Variants in KLF17 observed in about 807,000 individuals in gnomAD.
KLF17 encodes the protein Krueppel-like factor 17.
Under a neutral mutation model 34.2 loss-of-function variants are expected in KLF17, and 31 were observed. That is an observed-to-expected ratio of 0.91 (90% CI 0.68 to 1.22). The LOEUF (loss-of-function observed/expected upper bound fraction) is 1.22, where lower values mean the gene tolerates loss of function less well. Among genes scored for constraint, KLF17 ranks in the 50% most tolerant of loss-of-function variants. The pLI, the probability that KLF17 is intolerant of heterozygous loss-of-function variation, is 0.00. For synonymous variants in KLF17, 179 were observed against 186.7 expected, an observed-to-expected ratio of 0.96 and a Z score of 0.34; for missense variants, 478 against 505.2, an observed-to-expected ratio of 0.95 and a Z score of 0.52.
chr1:44,076,806 C>T, the KLF17 span: 3 of 151,100 alleles, frequency 2.0e-5, no homozygotes, highest in Non-Finnish European at 4.4e-5. Flanking sequence ...CTCACTGAAA[C>T]CTCGAACTCC....
chr1:44,084,524 T>C, the KLF17 span, among the ~76,000 whole-genome samples: 2 of 151,454 alleles, frequency 1.3e-5, no homozygotes, highest in African/African-American at 4.9e-5. Flanking sequence ...TCAAAAAATT[T>C]TGAAAGTTAG....
the KLF17 span, among the ~76,000 whole-genome samples, chr1:44,087,765 TATATACACACAC>T: frequency 9.0e-4 from 50 of 55,512 alleles, no homozygotes; most frequent in Admixed American, 4.0e-3. Flanking sequence ...TATATATATA[TATATACACACAC>T]ACACACACAC....
chr1:44,061,400 G>A, the KLF17 span, among the ~76,000 whole-genome samples: 1 of 152,172 alleles, frequency 6.6e-6, no homozygotes, highest in Non-Finnish European at 1.5e-5. Flanking sequence ...AACTCTGGAG[G>A]TGAGACTCAG....
intron 1 of KLF17, among the ~76,000 whole-genome samples, chr1:44,122,687 T>C (rs1351617647): frequency 6.6e-6 from 1 of 152,010 alleles, no homozygotes; most frequent in African/African-American, 2.4e-5. Flanking sequence ...AACTTCTGCC[T>C]CCCAAATTCA....
At chr1:44,097,886 T>C in the KLF17 span, among the ~76,000 whole-genome samples, 3 of 152,206 alleles carry the variant, frequency 2.0e-5, no homozygotes, top group African/African-American at 7.2e-5. Flanking sequence ...ATGGTTTTTG[T>C]CCTTCATTCT....
the KLF17 span, among the ~76,000 whole-genome samples, chr1:44,086,388 T>C: frequency 6.6e-6 from 1 of 152,152 alleles, no homozygotes; most frequent in Non-Finnish European, 1.5e-5. Context: ...ATCACTTGAA[T>C]TCGGGAAGTA....
chr1:44,093,668 T>G, the KLF17 span, among the ~76,000 whole-genome samples: 1 of 152,192 alleles, frequency 6.6e-6, no homozygotes, highest in Non-Finnish European at 1.5e-5. Flanking sequence ...GTGCTGGGAT[T>G]ACAGGTGTGA....
chr1:44,100,865 T>C, the KLF17 span, among the ~76,000 whole-genome samples: 1 of 152,210 alleles, frequency 6.6e-6, no homozygotes, highest in Non-Finnish European at 1.5e-5. Context: ...GTATCCACCA[T>C]TGTAGTATAC....
At chr1:44,088,967 G>C in the KLF17 span, among the ~76,000 whole-genome samples, 1 of 152,132 alleles carries the variant, frequency 6.6e-6, no homozygotes. Context: ...ACCACAGGAG[G>C]AGGGTATGCT....
the KLF17 span, among the ~76,000 whole-genome samples, chr1:44,079,540 C>T: frequency 3.3e-5 from 5 of 151,958 alleles, no homozygotes; most frequent in Admixed American, 1.3e-4. Flanking sequence ...TGGGCTCAAG[C>T]GATCCTCCCA....
At chr1:44,050,528 G>A in the KLF17 span, among the ~76,000 whole-genome samples, 1 of 152,180 alleles carries the variant, frequency 6.6e-6, no homozygotes, top group Non-Finnish European at 1.5e-5. Context: ...CTGCCGAGCT[G>A]CCCTGAGCTG....
chr1:44,080,477 A>G, the KLF17 span, among the ~76,000 whole-genome samples: 1 of 151,454 alleles, frequency 6.6e-6, no homozygotes, highest in Non-Finnish European at 1.5e-5. Flanking sequence ...TGACCTCGTG[A>G]TATGCCCGCC....
At chr1:44,104,024 G>C in the KLF17 span, 1 of 863,644 alleles carries the variant, frequency 1.2e-6, no homozygotes, top group East Asian at 2.4e-5. Flanking sequence ...TGGAGCGGCT[G>C]TTGTCCATGG....
At chr1:44,079,320 T>TTTTTTTTTTTTA in the KLF17 span, among the ~76,000 whole-genome samples, 1 of 151,662 alleles carries the variant, frequency 6.6e-6, no homozygotes, top group African/African-American at 2.4e-5. Flanking sequence ...TTTTTTTTTT[T>TTTTTTTTTTTTA]GAGACAGTCT....
chr1:44,067,455 G>T, the KLF17 span, among the ~76,000 whole-genome samples: 1 of 152,206 alleles, frequency 6.6e-6, no homozygotes, highest in South Asian at 2.1e-4. Flanking sequence ...AGTCTGACAT[G>T]AATATTCTTG....
chr1:44,109,689 C>T, the KLF17 span, among the ~76,000 whole-genome samples: 1 of 151,984 alleles, frequency 6.6e-6, no homozygotes, highest in South Asian at 2.1e-4. Flanking sequence ...TCTGTTGGTC[C>T]CAGTATCAAT....
At chr1:44,072,778 G>A in the KLF17 span, among the ~76,000 whole-genome samples, 3 of 152,124 alleles carry the variant, frequency 2.0e-5, no homozygotes, top group South Asian at 6.2e-4. Flanking sequence ...AATGTGAATA[G>A]AAAATAGAAG....
intron 1 of KLF17, chr1:44,122,191 G>GTCTTCT: frequency 1.9e-6 from 3 of 1,598,118 alleles, no homozygotes; most frequent in South Asian, 2.2e-5. Flanking sequence ...CCACGGCCAC[G>GTCTTCT]TCCTCTTCCT....
Position 44,118,912 on chromosome 1 carries a change from A to ACGGC in KLF17, c.8_11dup (p.Gln6ThrfsTer4). ...TCTAGACCCCACCCAGTCTTCATGT[A>ACGGC]CGGCCGACCGCAGGCTGAGATGGAA... On this transcript the variant is annotated frameshift_variant, in exon 1 of 4. Transcript: ENST00000372299. LOFTEE classifies it high-confidence loss of function. 6.2e-7 allele frequency: 1 copy of ACGGC among 1,611,484 alleles called. No homozygotes were observed. Among genetic ancestry groups the ACGGC allele is most frequent in the Non-Finnish European group, 8.5e-7 (1 of 1,179,000 alleles).
Sources: allele counts gnomAD v4.1 joint callset (sites outside exome capture counted in the v4.1 genomes callset), GRCh38; gene constraint gnomAD v4.1.1; transcripts MANE v1.5; gene names NCBI Gene and HGNC (gene_info 2026-07-23, HGNC 2026-07-21).